The following RIOK2 variants were observed in gnomAD, a reference collection of about 807,000 sequenced individuals.
The protein encoded by RIOK2 is RIO kinase 2.
Under a neutral mutation model 62.4 loss-of-function variants are expected in RIOK2, and 46 were observed. That is an observed-to-expected ratio of 0.74 (90% CI 0.58 to 0.94). The LOEUF is 0.94. Among genes scored for constraint, RIOK2 ranks in the 40% least tolerant of loss-of-function variants. RIOK2 has a pLI of 0.00. For synonymous variants in RIOK2, 197 were observed against 216.0 expected (o/e 0.91, Z 0.77); for missense variants, 574 against 658.0 (o/e 0.87, Z 1.40).
At chr5:97,176,186 A>T in intron 4 of RIOK2, 1 of 152,230 alleles carries the variant, frequency 6.6e-6, no homozygotes, top group East Asian at 1.9e-4. Flanking sequence ...TCATCAAGTC[A>T]GGGTATTTAG....
At chr5:97,174,968 G>A (rs1027183085) in intron 4 of RIOK2, among the ~76,000 whole-genome samples, 1 of 152,068 alleles carries the variant, frequency 6.6e-6, no homozygotes, top group African/African-American at 2.4e-5. Flanking sequence ...TGAGGTGGGA[G>A]GATGGCTTGA....
intron 8 of RIOK2, chr5:97,166,161 G>A (rs1748836964): frequency 3.1e-6 from 1 of 319,108 alleles, no homozygotes; most frequent in Admixed American, 3.8e-5. Context: ...GTTGACTACA[G>A]ATCCTGGGAC....
chr5:97,173,314 A>C, intron 4 of RIOK2, 51 bp from the exon 5 acceptor site: 1 of 1,146,142 alleles, frequency 8.7e-7, no homozygotes, highest in Non-Finnish European at 1.3e-6. Context: ...ATTACTCTTT[A>C]AAGAACAATA....
In RIOK2 at chr5:97,178,688, CT is replaced by C. The variant is rs376596920; in HGVS notation, c.205+366del. ...GTACTCTACCTGCTCTTCTGCAGTA[CT>C]CTACCTGCTCTTCTGCAGTACCTAC... On this transcript the variant is annotated intron_variant, in intron 2 of 9. Coordinates refer to ENST00000283109, the MANE Select transcript of RIOK2 (RefSeq NM_018343.3). The C allele has an allele frequency of 1.4e-3, 369 of 270,372 alleles. 1 individual carries two copies. Among genetic ancestry groups the C allele is most frequent in the African/African-American group, 7.7e-3 (197 of 25,526 alleles). 16.7% of individuals were successfully genotyped at this position (270,372 alleles called of 1,614,324 possible).
chr5:97,164,275 T>C (rs30996), intron 9 of RIOK2, among the ~76,000 whole-genome samples: 95,118 of 151,432 alleles, frequency 0.63, 30,028 homozygotes, highest in South Asian at 0.65. Flanking sequence ...CTGAGGTGGG[T>C]GGATCACCTG....
rs188329192 is a variant in RIOK2 at position 97,166,925 on chromosome 5, A to G, written c.1397+542T>C. On this transcript the variant is annotated intron_variant, in intron 8 of 9. Coordinates refer to ENST00000283109, the MANE Select transcript of RIOK2 (RefSeq NM_018343.3). ...AAATCATCAGTTTGTATATATATATATATTTTTGAGACGGAGTTTTTTGCT... is the reference window on the plus strand; with the variant it reads ...AAATCATCAGTTTGTATATATATATGTATTTTTGAGACGGAGTTTTTTGCT... 2.4e-4 allele frequency: 227 copies of G among 956,760 alleles called. No homozygotes were observed. The African/African-American group carries it at 3.6e-3, about 15-fold the overall frequency. The allele number at this position is 956,760 out of a possible 1,614,324, so 59.3% of individuals were successfully genotyped here.
rs1180192589 is a variant in RIOK2, at chr5:97,167,482, T to C, written c.1382A>G (p.Glu461Gly). The C allele has an allele frequency of 1.2e-6, 2 of 1,614,016 alleles. No individual in the cohort carries two copies. Among genetic ancestry groups the C allele is most frequent in the Non-Finnish European group, 1.7e-6 (2 of 1,179,978 alleles). Residue 461 changes from glutamate (E) to glycine (G), a missense_variant, in exon 8 of 10, where the codon GAA becomes GGA. Coordinates refer to ENST00000283109, the MANE Select transcript of RIOK2 (RefSeq NM_018343.3). ...HLIALSSLNR[E>G]FRPFRDEENV... The stretch of plus-strand genomic sequence containing the variant: ...AAGTCTATACCTGAAAGGCCTGAAT[T>C]CTCTATTTAATGACGACAAGGCAAT...
At chr5:97,180,004 T>TATATATAATATATATAATATATATATAA in intron 1 of RIOK2, among the ~76,000 whole-genome samples, 2 of 36,692 alleles carry the variant, frequency 5.5e-5, no homozygotes, top group East Asian at 1.5e-3. Context: ...TATATATATA[T>TATATATAATATATATAATATATATATAA]TATATATATA....
Position 97,179,496 on chromosome 5 carries a change from T to A in RIOK2, c.67-303A>T, listed in dbSNP as rs779013050. Among the ~76,000 whole-genome samples the A allele has an allele frequency of 3.3e-5, 5 of 152,164 alleles. No homozygotes were observed. In the South Asian group the frequency reaches 8.3e-4, roughly 25 times the overall value. On this transcript the variant is annotated intron_variant, in intron 1 of 9. Coordinates refer to ENST00000283109, the MANE Select transcript of RIOK2 (RefSeq NM_018343.3). ...CATTTGTCTTTAAAAACTACAGATATGCCAGATATTTATTAAGCAGGTATT... is the reference window on the plus strand; with the variant it reads ...CATTTGTCTTTAAAAACTACAGATAAGCCAGATATTTATTAAGCAGGTATT...
At chr5:97,169,058 G>A (rs1278525611) in intron 6 of RIOK2, among the ~76,000 whole-genome samples, 5 of 152,204 alleles carry the variant, frequency 3.3e-5, no homozygotes, top group African/African-American at 4.8e-5. Context: ...GATATAAGCT[G>A]TCAATGCCAT....
rs1748680742 is a variant in RIOK2, at chr5:97,161,034, AC to A, written c.*2026del. 6.6e-6 allele frequency: 1 copy of A among 152,250 alleles called. No homozygotes were observed. The highest frequency in any genetic ancestry group is 1.5e-5 in the Non-Finnish European group (1 of 68,054). 9.4% of individuals were successfully genotyped at this position (152,250 alleles called of 1,614,324 possible). A position where few individuals can be genotyped will look rare whatever the true frequency, so the allele number is the denominator to read the frequency against. On this transcript the variant is annotated 3_prime_UTR_variant, in exon 10 of 10. Coordinates refer to ENST00000283109, the MANE Select transcript of RIOK2 (RefSeq NM_018343.3). ...AGCTTGTGGAATTTTCCTTTTGGTA[AC>A]CTTAAGAAGTCATTTTAGCAGTACT...
At chr5:97,175,404 CAAT>C (rs1749138969) in intron 4 of RIOK2, among the ~76,000 whole-genome samples, 3 of 152,292 alleles carry the variant, frequency 2.0e-5, no homozygotes, top group African/African-American at 7.2e-5. Context: ...TGCTATAGCC[CAAT>C]CTTTATCTTC....
intron 5 of RIOK2, among the ~76,000 whole-genome samples, chr5:97,172,553 T>G (rs1749041209): frequency 6.6e-6 from 1 of 152,188 alleles, no homozygotes; most frequent in Non-Finnish European, 1.5e-5. Flanking sequence ...TGTAATAGCC[T>G]CTTAACTTGT....
At position 97,177,810 on chromosome 5, in the gene RIOK2, A is replaced by C; in HGVS notation, c.244T>G (p.Tyr82Asp). The change falls in exon 3 of 10, where the codon TAC (tyrosine) becomes GAC (aspartate). Residue 82 changes from tyrosine (Y) to aspartate (D), a missense_variant. Transcript: ENST00000283109. ...GYRLTNAGYD[Y>D]LALKTLSSRQ... is the part of the protein sequence containing the mutation. ...GAAGAAAGTGTTTTCAAAGCTAGGT[A>C]ATCATATCCTGCATTTGTCAACCGA... is the stretch of plus-strand genomic sequence containing the variant. 6.2e-7 allele frequency: 1 copy of C among 1,613,592 alleles called. No homozygotes were observed. The highest frequency in any genetic ancestry group is 8.5e-7 in the Non-Finnish European group (1 of 1,179,652).
chr5:97,163,990 T>G (rs1748772688), intron 9 of RIOK2, among the ~76,000 whole-genome samples: 2 of 152,034 alleles, frequency 1.3e-5, no homozygotes, highest in African/African-American at 4.8e-5. Flanking sequence ...CCTCCTGGGC[T>G]TGAGTGATCT....
At chr5:97,164,942 C>T (rs747360767) in intron 9 of RIOK2, 109 bp downstream of exon 9, 5 of 550,764 alleles carry the variant, frequency 9.1e-6, no homozygotes, top group Non-Finnish European at 1.2e-5. Flanking sequence ...AAAAAGCAAT[C>T]AACAGAAGTC....
intron 6 of RIOK2, among the ~76,000 whole-genome samples, chr5:97,170,079 G>C (rs1046816671): frequency 6.6e-6 from 1 of 152,078 alleles, no homozygotes; most frequent in African/African-American, 2.4e-5. Flanking sequence ...ATGAAGAGAC[G>C]CTTCACTTAA....
chr5:97,176,511 C>G (rs943519688), intron 4 of RIOK2, among the ~76,000 whole-genome samples: 7 of 152,028 alleles, frequency 4.6e-5, no homozygotes, highest in African/African-American at 1.7e-4. Context: ...CCGGCTAATT[C>G]TTGTATTTTT....
intron 4 of RIOK2, chr5:97,175,994 A>C (rs1749153016): frequency 6.6e-6 from 1 of 152,160 alleles, no homozygotes; most frequent in African/African-American, 2.4e-5. Flanking sequence ...CAAAATATGC[A>C]GTCAAGTTCC....
Sources: allele counts gnomAD v4.1 joint callset (sites outside exome capture counted in the v4.1 genomes callset), GRCh38; gene constraint gnomAD v4.1.1; transcripts MANE v1.5; gene names NCBI Gene and HGNC (gene_info 2026-07-23, HGNC 2026-07-21).